The following MARCO variants were observed in gnomAD, a reference collection of about 807,000 sequenced individuals.
MARCO encodes the protein macrophage receptor MARCO.
Under a neutral mutation model 70.0 loss-of-function variants are expected in MARCO, and 72 were observed. That is an observed-to-expected ratio of 1.03 (90% CI 0.85 to 1.25). The LOEUF (loss-of-function observed/expected upper bound fraction) is 1.25, where lower values mean the gene tolerates loss of function less well. Among genes scored for constraint, MARCO ranks in the 50% most tolerant of loss-of-function variants. MARCO has a pLI of 0.00. For missense variants in MARCO, 696 were observed against 659.3 expected (o/e 1.06, Z -0.61); for synonymous variants, 273 against 243.1 (o/e 1.12, Z -1.14).
At position 118,992,452 on chromosome 2, in the gene MARCO, G is replaced by A; in HGVS notation, c.1228G>A (p.Val410Ile). The part of the protein sequence containing the change: ...GVKGSSGEQG[V>I]KGEKGERGEN... ...GACAGGATCTTCTGGGGAGCAAGGA[G>A]TAAAGGGAGAAAAAGGTGAAAGAGG... The change falls in exon 15 of 17, where the codon GTA becomes ATA. Residue 410 changes from valine (V) to isoleucine (I), a missense_variant. Around this residue, in one of 3 missense-constraint regions of MARCO, gnomAD observed 605 missense variants for 537.6 expected, o/e 1.13. Transcript: ENST00000327097. The A allele has an allele frequency of 6.2e-7, 1 of 1,613,704 alleles. No individual in the cohort carries two copies. The highest frequency in any genetic ancestry group is 8.5e-7 in the Non-Finnish European group (1 of 1,179,636).
intron 1 of MARCO, among the ~76,000 whole-genome samples, chr2:118,948,770 T>A (rs1198769872): frequency 1.3e-5 from 2 of 152,134 alleles, no homozygotes; most frequent in Non-Finnish European, 2.9e-5. Flanking sequence ...GTATACTTAT[T>A]ATAGTTGTTG....
rs1680505791 is a variant in MARCO at position 118,986,672 on chromosome 2, G to GAAAGAAA, written c.1064-3917_1064-3916insAAAGAAA. The stretch of plus-strand genomic sequence containing the variant: ...AAGAAAGAAGGAAGGAAGGAAGGAA[G>GAAAGAAA]GAAAGAAAGAAAGAAAGAAAGAAAG... On this transcript the variant is annotated intron_variant, in intron 12 of 16. Coordinates refer to ENST00000327097, the MANE Select transcript of MARCO (RefSeq NM_006770.4). 2.8e-3 allele frequency among the ~76,000 whole-genome samples: 134 copies of GAAAGAAA among 48,634 alleles called. 11 individuals are homozygous for GAAAGAAA. Among genetic ancestry groups the GAAAGAAA allele is most frequent in the Admixed American group, 5.6e-3 (25 of 4,462 alleles). 31.9% of individuals were successfully genotyped at this position (48,634 alleles called of 152,430 possible).
chr2:118,986,718 A>AAAGAAAGG (rs1680520440), intron 12 of MARCO, among the ~76,000 whole-genome samples: 1 of 117,454 alleles, frequency 8.5e-6, no homozygotes, highest in African/African-American at 4.3e-5. Context: ...AGAAAGAAAG[A>AAAGAAAGG]AAGAAAAGAA....
chr2:118,952,452 A>C (rs1679740740), intron 1 of MARCO: 1 of 152,332 alleles, frequency 6.6e-6, no homozygotes, highest in Non-Finnish European at 1.5e-5. Flanking sequence ...GGAACCGCAG[A>C]GAGGACCCAC....
chr2:118,952,998 A>G (rs991210717), intron 1 of MARCO: 3 of 152,224 alleles, frequency 2.0e-5, no homozygotes, highest in Admixed American at 6.5e-5. Context: ...GAACAAAGGA[A>G]AAGCAGACAT....
At chr2:118,960,870 T>C (rs1679929767) in intron 1 of MARCO, among the ~76,000 whole-genome samples, 2 of 152,148 alleles carry the variant, frequency 1.3e-5, no homozygotes, top group Admixed American at 6.6e-5. Context: ...CATGAGCTAT[T>C]ATTCCTAATG....
Position 118,974,568 on chromosome 2 carries a change from G to A in MARCO, c.613+3G>A, listed in dbSNP as rs371672804. 2.2e-5 allele frequency: 35 copies of A among 1,612,298 alleles called. No individual in the cohort carries two copies. Among genetic ancestry groups the A allele is most frequent in the Non-Finnish European group, 2.8e-5 (33 of 1,179,548 alleles). ...ACCGGGAGTCAAGGGAGAGGCGGGT[G>A]AGTAGGTGCTGGGTATGTACCCAGA... is the stretch of plus-strand genomic sequence containing the variant. On this transcript the variant is annotated splice_donor_region_variant and intron_variant, in intron 6 of 16. Coordinates refer to ENST00000327097, the MANE Select transcript of MARCO (RefSeq NM_006770.4).
intron 12 of MARCO, among the ~76,000 whole-genome samples, chr2:118,983,411 C>T (rs1005339089): frequency 1.3e-5 from 2 of 152,178 alleles, no homozygotes; most frequent in African/African-American, 4.8e-5. Flanking sequence ...GGGCTCTGGG[C>T]TTGAGCTTTT....
At chr2:118,977,772 T>A in intron 7 of MARCO, 56 bp from the exon 8 acceptor site, 1 of 1,375,156 alleles carries the variant, frequency 7.3e-7, no homozygotes. Flanking sequence ...TTGCCTCTGG[T>A]AGCCTGTCCC....
chr2:118,986,716 A>G, intron 12 of MARCO, among the ~76,000 whole-genome samples: 1 of 119,790 alleles, frequency 8.3e-6, no homozygotes, highest in Admixed American at 7.7e-5. Context: ...AAAGAAAGAA[A>G]GAAAGAAAAG....
At chr2:118,955,952 T>G (rs914537411) in intron 1 of MARCO, among the ~76,000 whole-genome samples, 3 of 144,716 alleles carry the variant, frequency 2.1e-5, no homozygotes, top group African/African-American at 8.2e-5. Flanking sequence ...TGCTAAAAAC[T>G]TGAACTGTTT....
chr2:118,958,317 T>C (rs1679876584), intron 1 of MARCO, among the ~76,000 whole-genome samples: 1 of 151,894 alleles, frequency 6.6e-6, no homozygotes, highest in Non-Finnish European at 1.5e-5. Context: ...GGATACAAGA[T>C]TAATGTATGC....
chr2:118,977,580 C>T, intron 7 of MARCO, 65 bp downstream of exon 7: 7 of 1,413,048 alleles, frequency 5.0e-6, no homozygotes, highest in South Asian at 3.5e-5. Flanking sequence ...GCAGTTCCCC[C>T]CCACCCCCCA....
At position 118,956,461 on chromosome 2, in the gene MARCO, T is replaced by C. The variant is rs527435826; in HGVS notation, c.98-12699T>C. On this transcript the variant is annotated intron_variant, in intron 1 of 16. Transcript: ENST00000327097. ...AAGATATCACAATCCCAAACATTTA[T>C]GCACCTAACACTGGAGCTCTCAAAT... Among the ~76,000 whole-genome samples the C allele has an allele frequency of 8.7e-5, 9 of 103,122 alleles. No homozygotes were observed. The South Asian group carries it at 3.9e-3, about 44-fold the overall frequency. The allele number at this position is 103,122 out of a possible 152,430, so 67.7% of individuals were successfully genotyped here.
chr2:118,944,482 C>T (rs1378915262), intron 1 of MARCO, among the ~76,000 whole-genome samples: 1 of 152,038 alleles, frequency 6.6e-6, no homozygotes. Context: ...TTTATTTAGG[C>T]CATATATAGT....
intron 6 of MARCO, among the ~76,000 whole-genome samples, chr2:118,976,632 A>G (rs1048197051): frequency 6.6e-6 from 1 of 152,098 alleles, no homozygotes; most frequent in African/African-American, 2.4e-5. Flanking sequence ...CTCAATTCCA[A>G]TTTTGTCTTA....
chr2:118,976,091 G>A (rs770785180), intron 6 of MARCO, among the ~76,000 whole-genome samples: 1 of 152,134 alleles, frequency 6.6e-6, no homozygotes, highest in African/African-American at 2.4e-5. Context: ...CCAGAAGCCT[G>A]AGGAGCACAG....
chr2:118,973,132 C>T (rs534535023), intron 4 of MARCO, among the ~76,000 whole-genome samples: 7 of 148,218 alleles, frequency 4.7e-5, no homozygotes, highest in African/African-American at 1.5e-4. Context: ...AGAAAAACTC[C>T]GACTCTCTCC....
chr2:118,976,281 T>C (rs1372786862), intron 6 of MARCO, among the ~76,000 whole-genome samples: 4 of 152,150 alleles, frequency 2.6e-5, no homozygotes, highest in Non-Finnish European at 5.9e-5. Flanking sequence ...ATGAAACAGA[T>C]CCACAAAGTA....
Sources: allele counts gnomAD v4.1 joint callset (sites outside exome capture counted in the v4.1 genomes callset), GRCh38; gene constraint gnomAD v4.1.1; regional missense constraint gnomAD v4.1.1; transcripts MANE v1.5; gene names NCBI Gene and HGNC (gene_info 2026-07-23, HGNC 2026-07-21).